Variants in COL18A1 observed in about 807,000 individuals in gnomAD.
COL18A1 encodes collagen type XVIII alpha 1 chain.
In COL18A1, 133 loss-of-function variants were observed where a neutral mutation model predicts 168.0. That is an observed-to-expected ratio of 0.79 (90% CI 0.69 to 0.91). COL18A1 has a LOEUF of 0.91. COL18A1 is among the 40% of genes least tolerant of loss of function. The pLI is 0.00. For missense variants in COL18A1, 2,126 were observed against 1,925.4 expected, an observed-to-expected ratio of 1.10 and a Z score of -1.95; for synonymous variants, 949 against 809.0, an observed-to-expected ratio of 1.17 and a Z score of -2.94.
rs535094036 is a variant in COL18A1, at chr21:45,498,496, G to T, written c.2683+835G>T. Reference sequence around the variant, plus strand: ...CCGCTCGCCGCCAGGGTCCCCTCTCGCTGCCAGGGTCCTCTGCAGAGGAGG... The same window carrying T: ...CCGCTCGCCGCCAGGGTCCCCTCTCTCTGCCAGGGTCCTCTGCAGAGGAGG... On this transcript the variant is annotated intron_variant, in intron 32 of 41. Transcript: ENST00000651438. This position sits in a 1 kb window ranked among gnomAD's most constrained non-coding sequence, Gnocchi z 4.5. The T allele has an allele frequency of 1.4e-6, 1 of 714,970 alleles. No homozygotes were observed. The highest frequency in any genetic ancestry group is 1.8e-5 in the African/African-American group (1 of 57,010). 44.3% of individuals were successfully genotyped at this position (714,970 alleles called of 1,614,324 possible). A position where few individuals can be genotyped will look rare whatever the true frequency, so the allele number is the denominator to read the frequency against.
intron 2 of COL18A1, among the ~76,000 whole-genome samples, chr21:45,416,669 G>T (rs1311265534): frequency 2.0e-5 from 3 of 152,170 alleles, no homozygotes; most frequent in African/African-American, 4.8e-5. Context: ...AGGCTCAGCA[G>T]GTGCTAAATA....
chr21:45,480,442 G>C lies in COL18A1; in HGVS notation c.1399-25G>C, dbSNP rs117984746. 1,162 of 1,614,100 alleles carry C rather than the reference G, an allele frequency of 7.2e-4. 18 individuals are homozygous for C. In the East Asian group the frequency reaches 0.024, roughly 33 times the overall value. On this transcript the variant is annotated intron_variant, in intron 11 of 41. Transcript: ENST00000651438. ...GGCGGGGGGCCGAGCTCAGGGCAAC[G>C]TGTCTCTCCGGCTCTTTTCCTCAGA... is the stretch of plus-strand genomic sequence containing the variant.
chr21:45,496,414 T>C (rs184987652), intron 29 of COL18A1, 86 bp from the exon 30 acceptor site: 1 of 789,764 alleles, frequency 1.3e-6, no homozygotes, highest in Admixed American at 1.7e-5. Context: ...GTTTCTGATT[T>C]TTCTGATTTT....
chr21:45,485,809 A>AG (rs941299786), intron 15 of COL18A1, among the ~76,000 whole-genome samples: 6 of 152,158 alleles, frequency 3.9e-5, no homozygotes, highest in African/African-American at 9.7e-5. Flanking sequence ...TTCCCCACAG[A>AG]GGGGGTTTCC....
At chr21:45,492,879 G>A (rs572270639) in intron 24 of COL18A1, among the ~76,000 whole-genome samples, 166 bp downstream of exon 24, 20 of 152,330 alleles carry the variant, frequency 1.3e-4, no homozygotes, top group South Asian at 6.2e-4. Context: ...GGCGAGAGCC[G>A]CTGGCAGGCC....
At chr21:45,495,707 C>T (rs78425283) in intron 29 of COL18A1, 11,172 of 415,454 alleles carry the variant, frequency 0.027, 449 homozygotes, top group African/African-American at 0.13. Flanking sequence ...CATACACACG[C>T]GCACACATAC....
intron 2 of COL18A1, among the ~76,000 whole-genome samples, chr21:45,438,592 AGGAAAG>A (rs1417118080): frequency 6.6e-6 from 1 of 152,196 alleles, no homozygotes; most frequent in Non-Finnish European, 1.5e-5. Flanking sequence ...TGTTCAGGGC[AGGAAAG>A]GGAAAGGGGC....
Position 45,498,085 on chromosome 21 carries a change from G to A in COL18A1, c.2683+424G>A. The A allele has an allele frequency of 3.3e-6, 2 of 610,904 alleles. No homozygotes were observed. The highest frequency in any genetic ancestry group is 2.7e-5 in the East Asian group (1 of 36,600). 37.8% of individuals were successfully genotyped at this position (610,904 alleles called of 1,614,324 possible). On this transcript the variant is annotated intron_variant, in intron 32 of 41. Coordinates refer to ENST00000651438, the MANE Select transcript of COL18A1 (RefSeq NM_001379500.1). This position sits in a 1 kb window ranked among gnomAD's most constrained non-coding sequence, Gnocchi z 4.5. ...CGTTGCCCGACAGGCCGTCTGGAGG[G>A]TGAGCCCAGCACCCCTGCTCCCCCA...
At chr21:45,482,144 G>A (rs1267982945) in intron 14 of COL18A1, 119 bp downstream of exon 14, 3 of 779,302 alleles carry the variant, frequency 3.8e-6, no homozygotes, top group East Asian at 2.7e-5. Context: ...CCCCATCACA[G>A]CCCCACAGCC....
chr21:45,469,511 G>A (rs900901800), intron 3 of COL18A1, among the ~76,000 whole-genome samples: 1 of 152,214 alleles, frequency 6.6e-6, no homozygotes, highest in Non-Finnish European at 1.5e-5. Context: ...GCACGTGGCC[G>A]CCTCCACCTG....
Position 45,492,580 on chromosome 21 carries a change from G to A in COL18A1, c.2187+16G>A, listed in dbSNP as rs2036389236. Reference sequence around the variant, plus strand: ...GGGACCTGAGGTATGTGCCTGCCCAGCTTCTAAGAGACGGGCCTGCGGGGA... The same window carrying A: ...GGGACCTGAGGTATGTGCCTGCCCAACTTCTAAGAGACGGGCCTGCGGGGA... On this transcript the variant is annotated intron_variant, in intron 23 of 41. Coordinates refer to ENST00000651438, the MANE Select transcript of COL18A1 (RefSeq NM_001379500.1). 2 of 1,612,874 alleles carry A rather than the reference G, an allele frequency of 1.2e-6. No individual in the cohort carries two copies. The highest frequency in any genetic ancestry group is 1.7e-6 in the Non-Finnish European group (2 of 1,179,882).
intron 34 of COL18A1, among the ~76,000 whole-genome samples, 186 bp from the exon 35 acceptor site, chr21:45,504,948 G>A (rs899231908): frequency 3.3e-5 from 5 of 151,938 alleles, no homozygotes; most frequent in East Asian, 1.9e-4. Flanking sequence ...CCCCGGGATC[G>A]CACCCCCAGG....
intron 2 of COL18A1, chr21:45,455,501 GCCGC>G (rs748462347): frequency 3.7e-6 from 6 of 1,609,622 alleles, no homozygotes; most frequent in Non-Finnish European, 5.1e-6. Context: ...AGGCCCTCCC[GCCGC>G]CCGCAGCTCC....
rs775116003 is a variant in COL18A1, at chr21:45,456,383, C to T, written c.107-11859C>T. The T allele has an allele frequency of 8.4e-6, 13 of 1,548,982 alleles. No individual in the cohort carries two copies. The South Asian group carries it at 1.3e-4, about 16-fold the overall frequency. On this transcript the variant is annotated intron_variant, in intron 2 of 41. Transcript: ENST00000651438. ...GGCCCCCTCCGCCTTCTCCTCTGGG[C>T]TCCCGGGCGCACTGTCTCAGGTCGC... is the stretch of plus-strand genomic sequence containing the variant.
intron 5 of COL18A1, 150 bp downstream of exon 5, chr21:45,475,685 G>A: frequency 1.3e-6 from 1 of 755,312 alleles, no homozygotes; most frequent in Non-Finnish European, 2.2e-6. Context: ...CAGGGATGCT[G>A]GGCTGGGCAG....
At chr21:45,482,346 G>A (rs572536078) in intron 14 of COL18A1, 6 of 684,166 alleles carry the variant, frequency 8.8e-6, no homozygotes, top group South Asian at 8.5e-5. Flanking sequence ...CTGACGCAAG[G>A]AGCCGGGGCC....
At chr21:45,456,809 C>T (rs1313643544) in intron 2 of COL18A1, 30 of 1,536,310 alleles carry the variant, frequency 2.0e-5, no homozygotes, top group Admixed American at 4.1e-5. Context: ...GGGCGGGGGC[C>T]GGCTGCCCGT....
intron 34 of COL18A1, 59 bp from the exon 35 acceptor site, chr21:45,505,075 G>T: frequency 6.3e-7 from 1 of 1,578,850 alleles, no homozygotes. Flanking sequence ...CCACAAGCTT[G>T]CCCGCCCCCA....
In COL18A1 at chr21:45,437,339, C is replaced by T. The variant is rs1602379345; in HGVS notation, c.107-30903C>T. Among the ~76,000 whole-genome samples the T allele has an allele frequency of 1.8e-5, 2 of 113,478 alleles. 1 individual carries two copies. Among genetic ancestry groups the T allele is most frequent in the East Asian group, 5.6e-4 (2 of 3,562 alleles). 74.4% of individuals were successfully genotyped at this position (113,478 alleles called of 152,430 possible). On this transcript the variant is annotated intron_variant, in intron 2 of 41. Coordinates refer to ENST00000651438, the MANE Select transcript of COL18A1 (RefSeq NM_001379500.1). The stretch of plus-strand genomic sequence containing the variant: ...TCTCCTGCACACACACACACTCAGA[C>T]ACACAGGCACTCTCCTGCGCACACA...
Sources: allele counts gnomAD v4.1 joint callset (sites outside exome capture counted in the v4.1 genomes callset), GRCh38; gene constraint gnomAD v4.1.1; non-coding constraint Gnocchi (gnomAD v3.1); transcripts MANE v1.5; gene names NCBI Gene and HGNC (gene_info 2026-07-23, HGNC 2026-07-21).